Variants in ADGRL4 observed in about 807,000 individuals in gnomAD.
ADGRL4 encodes the protein EGF, latrophilin and seven transmembrane domain containing 1.
Under a neutral mutation model 74.8 loss-of-function variants are expected in ADGRL4, and 90 were observed. That is an observed-to-expected ratio of 1.20 (90% confidence interval 1.02 to 1.43). The LOEUF (loss-of-function observed/expected upper bound fraction) is 1.43, where lower values mean the gene tolerates loss of function less well. ADGRL4 is among the 40% of genes most tolerant of loss of function. ADGRL4 has a pLI of 0.00. For missense variants in ADGRL4, 881 were observed against 814.3 expected, an observed-to-expected ratio of 1.08 and a Z score of -1.00; for synonymous variants, 311 against 279.2, an observed-to-expected ratio of 1.11 and a Z score of -1.14.
rs557004722 is a variant in ADGRL4, at chr1:78,932,613, C to CAAA, written c.877+3679_877+3681dup. ...GGAGATAGAGACACAAAAACCCCTC[C>CAAA]AAAAAAAAAAAAAACAATGAATCCA... On this transcript the variant is annotated intron_variant, in intron 7 of 14. Coordinates refer to ENST00000370742, the MANE Select transcript of ADGRL4 (RefSeq NM_022159.4). 1.3e-3 allele frequency among the ~76,000 whole-genome samples: 73 copies of CAAA among 57,308 alleles called. 1 individual carries two copies. The highest frequency in any genetic ancestry group is 3.4e-3 in the African/African-American group (60 of 17,498). The allele number at this position is 57,308 out of a possible 152,430, so 37.6% of individuals were successfully genotyped here.
At chr1:78,916,773 T>C (rs1648881003) in intron 12 of ADGRL4, among the ~76,000 whole-genome samples, 1 of 151,874 alleles carries the variant, frequency 6.6e-6, no homozygotes. Flanking sequence ...TCAACACATA[T>C]GGAACAAAGT....
At chr1:78,896,343 T>C (rs1461107275) in intron 12 of ADGRL4, among the ~76,000 whole-genome samples, 1 of 152,158 alleles carries the variant, frequency 6.6e-6, no homozygotes, top group Non-Finnish European at 1.5e-5. Context: ...TAATCTTACA[T>C]GTCTGTTTTG....
chr1:78,898,792 A>G (rs1648454045), intron 12 of ADGRL4, among the ~76,000 whole-genome samples: 1 of 152,156 alleles, frequency 6.6e-6, no homozygotes, highest in Non-Finnish European at 1.5e-5. Context: ...TTAAATTCAG[A>G]TACATGCAGT....
At position 78,918,062 on chromosome 1, in the gene ADGRL4, A is replaced by AC; in HGVS notation, c.1462-13_1462-12insG. 3 of 1,561,140 alleles carry AC rather than the reference A, an allele frequency of 1.9e-6. No individual in the cohort carries two copies. The highest frequency in any genetic ancestry group is 1.2e-5 in the South Asian group (1 of 84,256). ...ATTGAACAGAAGAGCTAGAAATCAA[A>AC]GAAAAAAAAAAAAACATTGTCAGTG... On this transcript the variant is annotated splice_polypyrimidine_tract_variant and intron_variant, in intron 10 of 14. Coordinates refer to ENST00000370742, the MANE Select transcript of ADGRL4 (RefSeq NM_022159.4).
intron 2 of ADGRL4, among the ~76,000 whole-genome samples, chr1:78,949,124 A>G (rs1013005970): frequency 9.9e-5 from 15 of 152,088 alleles, no homozygotes; most frequent in African/African-American, 3.6e-4. Flanking sequence ...CTTGTGGGCT[A>G]TAGCTGTAAA....
At chr1:78,895,208 C>A (rs539651471) in intron 12 of ADGRL4, among the ~76,000 whole-genome samples, 1 of 151,910 alleles carries the variant, frequency 6.6e-6, no homozygotes, top group African/African-American at 2.4e-5. Flanking sequence ...TTCATGTTAT[C>A]CAAAAATCAC....
rs146096130 is a variant in ADGRL4 at position 78,956,949 on chromosome 1, G to A, written c.173-10523C>T. Among the ~76,000 whole-genome samples, 8 of 152,158 alleles carry A rather than the reference G, an allele frequency of 5.3e-5. No homozygotes were observed. In the East Asian group the frequency reaches 7.7e-4, roughly 15 times the overall value. The stretch of plus-strand genomic sequence containing the variant: ...ATTGGCATCATTTTTCCAAAAGCAC[G>A]CGCTCACTTCAAGTCTGTGTCATAT... On this transcript the variant is annotated intron_variant, in intron 2 of 14. Transcript: ENST00000370742.
chr1:78,923,910 C>T (rs1222139540), intron 8 of ADGRL4, among the ~76,000 whole-genome samples: 1 of 151,644 alleles, frequency 6.6e-6, no homozygotes, highest in Non-Finnish European at 1.5e-5. Context: ...GAGAGATTAC[C>T]AAGAAATCAT....
chr1:78,928,597 C>T (rs563278859), intron 7 of ADGRL4, among the ~76,000 whole-genome samples: 1 of 151,518 alleles, frequency 6.6e-6, no homozygotes, highest in Non-Finnish European at 1.5e-5. Context: ...TATTTGTTAA[C>T]ATTACCATAT....
chr1:78,932,613 C>CAAAAAA (rs557004722), intron 7 of ADGRL4, among the ~76,000 whole-genome samples: 5,877 of 56,652 alleles, frequency 0.1, 247 homozygotes, highest in East Asian at 0.33. Context: ...AAAACCCCTC[C>CAAAAAA]AAAAAAAAAA....
At chr1:78,949,053 TAA>T (rs1649669798) in intron 2 of ADGRL4, among the ~76,000 whole-genome samples, 1 of 152,104 alleles carries the variant, frequency 6.6e-6, no homozygotes. Flanking sequence ...TATTAAACTT[TAA>T]AAGAAATTGG....
chr1:79,000,128 T>G (rs951180064), intron 2 of ADGRL4, among the ~76,000 whole-genome samples: 2 of 152,186 alleles, frequency 1.3e-5, no homozygotes, highest in Non-Finnish European at 2.9e-5. Flanking sequence ...TGGATATTAC[T>G]TTTCTGGTTC....
chr1:78,898,751 A>T (rs1005221499), intron 12 of ADGRL4, among the ~76,000 whole-genome samples: 1 of 152,182 alleles, frequency 6.6e-6, no homozygotes, highest in African/African-American at 2.4e-5. Flanking sequence ...TTTCATCTTA[A>T]GTGATATTTA....
At chr1:78,903,898 T>G (rs1648570116) in intron 12 of ADGRL4, among the ~76,000 whole-genome samples, 2 of 151,298 alleles carry the variant, frequency 1.3e-5, no homozygotes, top group South Asian at 2.1e-4. Flanking sequence ...ATCACGCCAC[T>G]GCACTCCAGC....
chr1:78,950,604 T>TA (rs1253441535), intron 2 of ADGRL4, among the ~76,000 whole-genome samples: 2 of 152,160 alleles, frequency 1.3e-5, no homozygotes, highest in Non-Finnish European at 2.9e-5. Flanking sequence ...ATTTAGGTGT[T>TA]ACGAGTCAGT....
In ADGRL4 at chr1:79,003,098, A is replaced by T. The variant is rs376590675; in HGVS notation, c.172+1972T>A. Among the ~76,000 whole-genome samples the T allele has an allele frequency of 1.8e-3, 268 of 152,210 alleles. 1 individual carries two copies. Among genetic ancestry groups the T allele is most frequent in the African/African-American group, 5.7e-3 (239 of 41,586 alleles). ...AGCTAATCTCCTGTCCAGTCATTTCATCTTGACATAATACCAATCTTAGAG... is the reference window on the plus strand; with the variant it reads ...AGCTAATCTCCTGTCCAGTCATTTCTTCTTGACATAATACCAATCTTAGAG... On this transcript the variant is annotated intron_variant, in intron 2 of 14. Transcript: ENST00000370742.
chr1:78,995,049 A>T (rs1471789886), intron 2 of ADGRL4, among the ~76,000 whole-genome samples: 1 of 152,194 alleles, frequency 6.6e-6, no homozygotes, highest in Non-Finnish European at 1.5e-5. Context: ...AAATCACATG[A>T]ATTACAACCC....
At position 78,938,295 on chromosome 1, in the gene ADGRL4, T is replaced by A; in HGVS notation, c.397-16A>T. 6.5e-7 allele frequency: 1 copy of A among 1,542,126 alleles called. No homozygotes were observed. Among genetic ancestry groups the A allele is most frequent in the Non-Finnish European group, 8.7e-7 (1 of 1,152,584 alleles). On this transcript the variant is annotated splice_polypyrimidine_tract_variant and intron_variant, in intron 4 of 14. Transcript: ENST00000370742. ...TGGATCTGATCTGAGAAAAAATGAG[T>A]CCAGAAAAAGGAAACTAAATTAGTT...
intron 12 of ADGRL4, among the ~76,000 whole-genome samples, chr1:78,910,342 C>T (rs915062876): frequency 3.3e-5 from 5 of 151,568 alleles, no homozygotes; most frequent in African/African-American, 9.7e-5. Flanking sequence ...ATATAAAGGA[C>T]AATTAGAGGT....
Sources: gnomAD v4.1 joint callset for allele counts (sites outside exome capture counted in the v4.1 genomes callset) on GRCh38, gnomAD v4.1.1 for gene constraint, MANE v1.5 for transcripts, NCBI Gene and HGNC (gene_info 2026-07-23, HGNC 2026-07-21) for gene names.